Variants in CNGB3 observed in about 807,000 individuals in gnomAD.
CNGB3 encodes the protein cyclic nucleotide gated channel subunit beta 3, also known as cyclic nucleotide-gated channel beta-3.
CNGB3 carries 86 observed loss-of-function variants against 92.8 expected under a neutral mutation model. The observed-to-expected ratio is 0.93, with a 90% CI of 0.78 to 1.11. The LOEUF (loss-of-function observed/expected upper bound fraction) is 1.11. Among genes scored for constraint, CNGB3 ranks in the 50% least tolerant of loss-of-function variants. The pLI, the probability that CNGB3 is intolerant of heterozygous loss-of-function variation, is 0.00. For missense variants in CNGB3, 1,026 were observed against 956.8 expected, an observed-to-expected ratio of 1.07 and a Z score of -0.95; for synonymous variants, 333 against 332.7, an observed-to-expected ratio of 1.00 and a Z score of -0.01.
chr8:86,671,209 T>A, intron 3 of CNGB3, 111 bp from the exon 4 acceptor site: 2 of 1,206,462 alleles, frequency 1.7e-6, no homozygotes, highest in South Asian at 2.4e-5. Flanking sequence ...AACTTCCCCT[T>A]TTTTGCAATT....
chr8:86,578,862 C>G lies in CNGB3; in HGVS notation c.1930G>C (p.Val644Leu), dbSNP rs143875055. ...GTCTTAGCCTTCTGCTTTAAAAGCA[C>G]TCTGTGGGTAAGAGAGAAAAGCTGT... ...SERILMKKAR[V>L]LLKQKAKTAE... Residue 644 changes from valine to leucine, a missense_variant and splice_region_variant, in exon 17 of 18, where the codon GTG (valine) becomes CTG (leucine). Transcript: ENST00000320005. The G allele has an allele frequency of 3.1e-6, 5 of 1,614,020 alleles. No individual in the cohort carries two copies. Among genetic ancestry groups the G allele is most frequent in the Non-Finnish European group, 4.2e-6 (5 of 1,180,030 alleles).
intron 2 of CNGB3, among the ~76,000 whole-genome samples, chr8:86,732,234 G>A (rs1280211894): frequency 3.3e-5 from 5 of 152,138 alleles, no homozygotes; most frequent in Non-Finnish European, 7.3e-5. Context: ...TCTTTTAAGC[G>A]AGGGAGCTTT....
rs546727064 is a variant in CNGB3, at chr8:86,641,135, A to G, written c.1178+2616T>C. ...TATACGCTAATTATAATTCATTAGCATGCTAAAAGACACTCCCACCAGCAC... is the reference window on the plus strand; with the variant it reads ...TATACGCTAATTATAATTCATTAGCGTGCTAAAAGACACTCCCACCAGCAC... On this transcript the variant is annotated intron_variant, in intron 10 of 17. Coordinates refer to ENST00000320005, the MANE Select transcript of CNGB3 (RefSeq NM_019098.5). 2.6e-5 allele frequency among the ~76,000 whole-genome samples: 4 copies of G among 152,128 alleles called. No homozygotes were observed. In the South Asian group the frequency reaches 8.3e-4, roughly 32 times the overall value.
chr8:86,578,719 T>G lies in CNGB3; in HGVS notation c.2073A>C (p.Leu691=). ...CTGCTTGCTCTCGCTTCAATTTGAG[T>G]AGTCTTGCAAGACTTGCTTTTCCTG... ...GGTGKASLAR[L]LKLKREQAAQ... Residue 691 remains leucine (L), a synonymous_variant, in exon 17 of 18, where the codon CTA becomes CTC. Coordinates refer to ENST00000320005, the MANE Select transcript of CNGB3 (RefSeq NM_019098.5). 6.2e-7 allele frequency: 1 copy of G among 1,614,126 alleles called. No individual in the cohort carries two copies.
chr8:86,625,582 A>G (rs915225423), intron 13 of CNGB3, among the ~76,000 whole-genome samples: 1 of 152,210 alleles, frequency 6.6e-6, no homozygotes, highest in Non-Finnish European at 1.5e-5. Context: ...AATAGAAGAC[A>G]TGATTAGGTA....
intron 3 of CNGB3, among the ~76,000 whole-genome samples, chr8:86,694,065 C>T (rs1449723757): frequency 1.4e-4 from 7 of 48,632 alleles, no homozygotes; most frequent in Non-Finnish European, 2.2e-4. Flanking sequence ...GGCGGCTGGC[C>T]GGGCGGGGGG....
At chr8:86,592,396 G>C (rs1350765030) in intron 15 of CNGB3, among the ~76,000 whole-genome samples, 1 of 152,304 alleles carries the variant, frequency 6.6e-6, no homozygotes, top group Middle Eastern at 3.4e-3. Context: ...TGCTTACTAT[G>C]AGCGAGATAT....
intron 3 of CNGB3, among the ~76,000 whole-genome samples, chr8:86,711,198 C>T (rs1198586911): frequency 6.6e-6 from 1 of 152,014 alleles, no homozygotes; most frequent in Non-Finnish European, 1.5e-5. Flanking sequence ...CACTTAAGTT[C>T]ACCTCTGTTT....
intron 4 of CNGB3, among the ~76,000 whole-genome samples, chr8:86,668,600 CTG>C (rs1050862823): frequency 9.3e-5 from 14 of 150,806 alleles, no homozygotes; most frequent in African/African-American, 3.4e-4. Context: ...ATTTATTTCA[CTG>C]TGTGTGTGTT....
At chr8:86,726,747 G>T in intron 2 of CNGB3, 90 bp from the exon 3 acceptor site, 1 of 1,459,064 alleles carries the variant, frequency 6.9e-7, no homozygotes, top group Non-Finnish European at 9.6e-7. Context: ...GATGCTGCTT[G>T]TTTTTTAGAA....
At chr8:86,618,749 AAGTCTCACTGT>A (rs1326009352) in intron 13 of CNGB3, among the ~76,000 whole-genome samples, 3 of 152,262 alleles carry the variant, frequency 2.0e-5, no homozygotes, top group African/African-American at 4.8e-5. Flanking sequence ...AATGAAACAC[AAGTCTCACTGT>A]AGTCTCACTC....
chr8:86,598,971 G>A (rs932946775), intron 15 of CNGB3, among the ~76,000 whole-genome samples: 6 of 152,002 alleles, frequency 3.9e-5, no homozygotes, highest in East Asian at 1.9e-4. Context: ...CAGGCATCAC[G>A]TCAATTATCC....
At chr8:86,591,209 T>C (rs145455131) in intron 15 of CNGB3, among the ~76,000 whole-genome samples, 115,179 of 133,950 alleles carry the variant, frequency 0.86, 49,759 homozygotes, top group Non-Finnish European at 0.9. Context: ...TTAAGCACTT[T>C]TCTGTATTGG....
chr8:86,613,216 C>T (rs572228034), intron 13 of CNGB3, among the ~76,000 whole-genome samples: 1 of 152,148 alleles, frequency 6.6e-6, no homozygotes, highest in African/African-American at 2.4e-5. Context: ...GCAAAGTATA[C>T]ACGTTTTATT....
intron 15 of CNGB3, among the ~76,000 whole-genome samples, chr8:86,589,271 G>A (rs1353644451): frequency 6.7e-6 from 1 of 150,262 alleles, no homozygotes; most frequent in East Asian, 1.9e-4. Context: ...CAATTTTGTT[G>A]ATCCTTTCAA....
Position 86,666,243 on chromosome 8 carries a change from A to C in CNGB3, c.852+682T>G, listed in dbSNP as rs541985164. ...TGATTACCAGAGGACTATATATTAA[A>C]TGGTTTCTTCTTTTGGTATTGATAA... is the stretch of plus-strand genomic sequence containing the variant. On this transcript the variant is annotated intron_variant, in intron 6 of 17. Transcript: ENST00000320005. Among the ~76,000 whole-genome samples, 11 of 152,348 alleles carry C rather than the reference A, an allele frequency of 7.2e-5. No individual in the cohort carries two copies. In the East Asian group the frequency reaches 2.1e-3, roughly 29 times the overall value.
intron 10 of CNGB3, among the ~76,000 whole-genome samples, chr8:86,642,416 T>G (rs1160942913): frequency 1.3e-5 from 2 of 151,866 alleles, no homozygotes; most frequent in Admixed American, 6.6e-5. Flanking sequence ...AGTGTCTGTG[T>G]GTGTGTGTTT....
At chr8:86,598,617 A>G (rs2131554043) in intron 15 of CNGB3, among the ~76,000 whole-genome samples, 1 of 151,992 alleles carries the variant, frequency 6.6e-6, no homozygotes, top group African/African-American at 2.4e-5. Context: ...TCCTCTAAAG[A>G]CTCCAGTGAA....
intron 3 of CNGB3, among the ~76,000 whole-genome samples, chr8:86,673,583 G>A (rs968447566): frequency 2.0e-5 from 3 of 152,180 alleles, no homozygotes; most frequent in Non-Finnish European, 4.4e-5. Flanking sequence ...TTAAGCAGAC[G>A]AAAGGCCTGA....
Sources: gnomAD v4.1 joint callset for allele counts (sites outside exome capture counted in the v4.1 genomes callset) on GRCh38, gnomAD v4.1.1 for gene constraint, MANE v1.5 for transcripts, NCBI Gene and HGNC (gene_info 2026-07-23, HGNC 2026-07-21) for gene names.